Variants in BMAL2 observed in about 807,000 individuals in gnomAD.
BMAL2 encodes the protein basic helix-loop-helix ARNT like 2.
the BMAL2 span, among the ~76,000 whole-genome samples, chr12:27,393,980 C>G: frequency 6.6e-6 from 1 of 152,184 alleles, no homozygotes; most frequent in Non-Finnish European, 1.5e-5. Context: ...ACATAACACA[C>G]TTGTGCAGTG....
the BMAL2 span, among the ~76,000 whole-genome samples, chr12:27,386,767 C>T: frequency 6.6e-6 from 1 of 152,078 alleles, no homozygotes; most frequent in Non-Finnish European, 1.5e-5. Context: ...GTAGCTGGGA[C>T]TAGAGGCGTG....
At chr12:27,416,860 G>A in the BMAL2 span, among the ~76,000 whole-genome samples, 3 of 152,200 alleles carry the variant, frequency 2.0e-5, no homozygotes, top group Non-Finnish European at 4.4e-5. Flanking sequence ...TACTGCAGGA[G>A]GCTGAGTCAG....
the BMAL2 span, among the ~76,000 whole-genome samples, chr12:27,350,837 G>A: frequency 6.6e-6 from 1 of 151,438 alleles, no homozygotes; most frequent in African/African-American, 2.4e-5. Flanking sequence ...CCACCACCAC[G>A]CCTGGCTAAT....
At chr12:27,376,391 C>A in the BMAL2 span, 4 of 1,613,390 alleles carry the variant, frequency 2.5e-6, no homozygotes, top group East Asian at 2.2e-5. Context: ...CCTTCAGGTA[C>A]AATTGACTTG....
the BMAL2 span, among the ~76,000 whole-genome samples, chr12:27,348,760 A>G: frequency 6.6e-6 from 1 of 152,234 alleles, no homozygotes; most frequent in Non-Finnish European, 1.5e-5. Flanking sequence ...CATTTCCTCA[A>G]TTATTGAGTG....
the BMAL2 span, among the ~76,000 whole-genome samples, chr12:27,419,553 C>T: frequency 2.0e-5 from 3 of 152,214 alleles, no homozygotes; most frequent in African/African-American, 7.2e-5. Context: ...CACTTCTCAA[C>T]ACCATTGCAT....
At chr12:27,346,281 G>C in the BMAL2 span, among the ~76,000 whole-genome samples, 2 of 152,070 alleles carry the variant, frequency 1.3e-5, no homozygotes, top group Admixed American at 1.3e-4. Flanking sequence ...TTTGTTTTGA[G>C]GCGGAGTCTC....
the BMAL2 span, among the ~76,000 whole-genome samples, chr12:27,388,103 GCACACA>G: frequency 6.7e-6 from 1 of 148,266 alleles, no homozygotes; most frequent in Admixed American, 6.7e-5. Context: ...ACACATGCAC[GCACACA>G]CACACACACA....
At chr12:27,365,023 A>T in the BMAL2 span, among the ~76,000 whole-genome samples, 2 of 152,188 alleles carry the variant, frequency 1.3e-5, no homozygotes, top group East Asian at 3.9e-4. Context: ...AATGATTTAT[A>T]TGTTGATTAT....
At chr12:27,385,961 G>A in the BMAL2 span, among the ~76,000 whole-genome samples, 2 of 151,952 alleles carry the variant, frequency 1.3e-5, no homozygotes, top group South Asian at 4.2e-4. Flanking sequence ...TGACATTTCC[G>A]TCCTCATCAT....
the BMAL2 span, chr12:27,376,335 C>CT: frequency 4.3e-6 from 7 of 1,612,220 alleles, no homozygotes; most frequent in South Asian, 6.6e-5. Context: ...TTTTATCCTG[C>CT]TTTTTTGTAG....
chr12:27,420,016 C>T, the BMAL2 span, among the ~76,000 whole-genome samples: 7 of 113,514 alleles, frequency 6.2e-5, no homozygotes, highest in East Asian at 5.4e-4. Context: ...AGGGTTTGCG[C>T]GTGCACACAC....
chr12:27,383,994 A>G, the BMAL2 span, among the ~76,000 whole-genome samples: 2 of 152,180 alleles, frequency 1.3e-5, no homozygotes, highest in African/African-American at 4.8e-5. Context: ...CCGAGGGCCA[A>G]TGTGTGGTTA....
chr12:27,332,989 C>T, the BMAL2 span: 6 of 1,101,378 alleles, frequency 5.4e-6, no homozygotes, highest in Admixed American at 1.9e-4. Context: ...TCCAGAGCCG[C>T]CGCCTGGGCC....
chr12:27,410,946 A>G, the BMAL2 span, among the ~76,000 whole-genome samples: 2 of 152,144 alleles, frequency 1.3e-5, no homozygotes, highest in East Asian at 3.9e-4. Context: ...ATGTTAAAAG[A>G]GAAATTATAA....
chr12:27,349,169 C>T, the BMAL2 span, among the ~76,000 whole-genome samples: 1 of 152,170 alleles, frequency 6.6e-6, no homozygotes, highest in African/African-American at 2.4e-5. Flanking sequence ...GTGAGAGTAG[C>T]ATGGGATGAG....
At chr12:27,336,722 A>G in the BMAL2 span, among the ~76,000 whole-genome samples, 1 of 152,106 alleles carries the variant, frequency 6.6e-6, no homozygotes, top group Non-Finnish European at 1.5e-5. Context: ...AGGCTATGGC[A>G]GGTGGATCAC....
chr12:27,404,042 G>C, the BMAL2 span, among the ~76,000 whole-genome samples: 1 of 151,624 alleles, frequency 6.6e-6, no homozygotes, highest in Non-Finnish European at 1.5e-5. Flanking sequence ...CACGCCTATA[G>C]TCCCAGCTAC....
the BMAL2 span, among the ~76,000 whole-genome samples, chr12:27,392,067 A>C: frequency 3.9e-5 from 6 of 152,192 alleles, no homozygotes; most frequent in African/African-American, 9.7e-5. Flanking sequence ...TAACACAGGA[A>C]TATTCACAGG....
Sources: allele counts gnomAD v4.1 joint callset (sites outside exome capture counted in the v4.1 genomes callset), GRCh38; gene constraint gnomAD v4.1.1; transcripts MANE v1.5; gene names NCBI Gene and HGNC (gene_info 2026-07-23, HGNC 2026-07-21).